The following SGCD variants were observed in gnomAD, a reference collection of about 807,000 sequenced individuals.
SGCD encodes the protein delta-sarcoglycan.
Under a neutral mutation model 36.6 loss-of-function variants are expected in SGCD, and 18 were observed. The ratio of observed to expected loss-of-function variants is 0.49; its 90% CI spans 0.34 to 0.73. The LOEUF is 0.73. SGCD is among the 30% of genes least tolerant of loss of function. The pLI, the probability that SGCD is intolerant of heterozygous loss-of-function variation, is 0.01. For synonymous variants in SGCD, 133 were observed against 130.6 expected, an observed-to-expected ratio of 1.02 and a Z score of -0.12; for missense variants, 387 against 346.7, an observed-to-expected ratio of 1.12 and a Z score of -0.92.
chr5:156,640,473 A>G (rs939636007), intron 6 of SGCD, among the ~76,000 whole-genome samples: 4 of 152,144 alleles, frequency 2.6e-5, no homozygotes, highest in Admixed American at 2.6e-4. Flanking sequence ...TGCAATATCC[A>G]CCTGTGTTGC....
chr5:156,298,117 T>A (rs1766948236), intron 3 of SGCD, among the ~76,000 whole-genome samples: 1 of 152,172 alleles, frequency 6.6e-6, no homozygotes. Flanking sequence ...GGATCTTATT[T>A]TTTTTTATGG....
chr5:156,144,920 G>T (rs11955720), intron 3 of SGCD, among the ~76,000 whole-genome samples: 23,055 of 152,060 alleles, frequency 0.15, 2,735 homozygotes, highest in East Asian at 0.44. Flanking sequence ...TTAGACTTTT[G>T]ACTTTAGAGT....
At chr5:156,374,531 C>G (rs1465277013) in intron 3 of SGCD, among the ~76,000 whole-genome samples, 1 of 152,008 alleles carries the variant, frequency 6.6e-6, no homozygotes, top group Non-Finnish European at 1.5e-5. Flanking sequence ...AGCACTCAAC[C>G]TATTCGTTGA....
intron 1 of SGCD, among the ~76,000 whole-genome samples, chr5:155,969,972 A>C (rs548994632): frequency 1.8e-4 from 27 of 152,052 alleles, no homozygotes; most frequent in Admixed American, 6.6e-4. Flanking sequence ...TTGAAAAATG[A>C]AAGTTTTAGC....
intron 5 of SGCD, among the ~76,000 whole-genome samples, chr5:156,593,698 G>A (rs900528695): frequency 3.3e-5 from 5 of 152,166 alleles, no homozygotes; most frequent in African/African-American, 1.2e-4. Context: ...GATGCCCTAT[G>A]GTTTTCCTTA....
intron 1 of SGCD, among the ~76,000 whole-genome samples, chr5:156,035,357 A>T (rs543208298): frequency 6.6e-6 from 1 of 152,258 alleles, no homozygotes; most frequent in South Asian, 2.1e-4. Context: ...GCCTTTAACC[A>T]GCACTTTGGA....
At chr5:156,306,842 A>G (rs1221812060) in intron 3 of SGCD, among the ~76,000 whole-genome samples, 2 of 152,046 alleles carry the variant, frequency 1.3e-5, no homozygotes, top group African/African-American at 4.8e-5. Context: ...CTCCTTTCCT[A>G]TGTTCACATA....
chr5:155,998,826 A>G (rs568661559), intron 1 of SGCD, among the ~76,000 whole-genome samples: 2 of 152,362 alleles, frequency 1.3e-5, no homozygotes, highest in South Asian at 2.1e-4. Flanking sequence ...AAGACAGGAC[A>G]TACAATGGAA....
At chr5:156,442,130 C>T (rs1164244508) in intron 3 of SGCD, among the ~76,000 whole-genome samples, 9 of 152,216 alleles carry the variant, frequency 5.9e-5, no homozygotes, top group East Asian at 3.9e-4. Context: ...AGAATTCAGC[C>T]GCAGGGTTGT....
At chr5:156,210,434 C>G (rs1217459612) in intron 3 of SGCD, among the ~76,000 whole-genome samples, 1 of 151,962 alleles carries the variant, frequency 6.6e-6, no homozygotes, top group Non-Finnish European at 1.5e-5. Context: ...ACCAAAAGGA[C>G]ATAATAAAAT....
chr5:156,588,506 C>G (rs1359053875), intron 4 of SGCD, among the ~76,000 whole-genome samples: 1 of 152,134 alleles, frequency 6.6e-6, no homozygotes. Context: ...TATTCAGTCT[C>G]AAGACTTTCA....
chr5:156,317,086 G>A (rs1767536810), intron 3 of SGCD, among the ~76,000 whole-genome samples: 1 of 152,042 alleles, frequency 6.6e-6, no homozygotes, highest in Non-Finnish European at 1.5e-5. Flanking sequence ...GCAAAAATAA[G>A]GGTAGAATTT....
At chr5:155,753,334 T>TCAAAAAAAAAAAAAA in the SGCD span, among the ~76,000 whole-genome samples, 14 of 135,908 alleles carry the variant, frequency 1.0e-4, 1 homozygote, top group African/African-American at 3.9e-4. Flanking sequence ...AGACTTTGTC[T>TCAAAAAAAAAAAAAA]AAAAAAAAAA....
the SGCD span, among the ~76,000 whole-genome samples, chr5:155,830,554 A>G: frequency 1.3e-5 from 2 of 152,222 alleles, no homozygotes; most frequent in Non-Finnish European, 2.9e-5. Context: ...TTGCTCTGAC[A>G]GCAGGACTTT....
intron 4 of SGCD, among the ~76,000 whole-genome samples, chr5:156,532,733 T>C (rs1357182391): frequency 1.3e-5 from 2 of 152,352 alleles, no homozygotes; most frequent in African/African-American, 4.8e-5. Context: ...AGTGCTGGGA[T>C]TATAGGCGTG....
chr5:156,420,914 G>A (rs1773274746), intron 3 of SGCD, among the ~76,000 whole-genome samples: 1 of 152,086 alleles, frequency 6.6e-6, no homozygotes. Flanking sequence ...CTAGTCAACT[G>A]ACATTTATAG....
intron 1 of SGCD, among the ~76,000 whole-genome samples, chr5:155,969,661 A>G (rs1757970858): frequency 6.6e-6 from 1 of 152,120 alleles, no homozygotes; most frequent in Admixed American, 6.6e-5. Flanking sequence ...GAGACCTGCA[A>G]TAGCTCACTG....
intron 1 of SGCD, among the ~76,000 whole-genome samples, chr5:155,875,499 A>C (rs912887960): frequency 1.8e-4 from 27 of 152,274 alleles, no homozygotes; most frequent in African/African-American, 6.3e-4. Context: ...CAAACTCAGC[A>C]ACCTGGCACA....
chr5:156,421,486 C>A (rs1020638106), intron 3 of SGCD, among the ~76,000 whole-genome samples: 1 of 152,076 alleles, frequency 6.6e-6, no homozygotes, highest in African/African-American at 2.4e-5. Flanking sequence ...TGGGTCAGCA[C>A]AACTGTCCCT....
Sources: gnomAD v4.1 joint callset for allele counts (sites outside exome capture counted in the v4.1 genomes callset) on GRCh38, gnomAD v4.1.1 for gene constraint, MANE v1.5 for transcripts, NCBI Gene and HGNC (gene_info 2026-07-23, HGNC 2026-07-21) for gene names.